Variants in TSPAN16 observed in about 807,000 individuals in gnomAD.
TSPAN16 encodes the protein tetraspanin 16.
A neutral mutation model predicts 25.2 loss-of-function variants in TSPAN16; 23 were observed. The observed-to-expected ratio is 0.91, with a 90% CI of 0.66 to 1.29. TSPAN16 has a LOEUF of 1.29. TSPAN16 is among the 50% of genes most tolerant of loss of function. The probability of loss-of-function intolerance (pLI) is 0.00; values close to 1 mark genes in which losing one functional copy is unlikely to be tolerated. For synonymous variants in TSPAN16, 123 were observed against 124.4 expected, an observed-to-expected ratio of 0.99 and a Z score of 0.08; for missense variants, 272 against 299.9, an observed-to-expected ratio of 0.91 and a Z score of 0.69.
intron 5 of TSPAN16, among the ~76,000 whole-genome samples, chr19:11,309,629 C>G (rs2080668918): frequency 6.6e-6 from 1 of 152,246 alleles, no homozygotes; most frequent in Admixed American, 6.5e-5. Flanking sequence ...TGATCATGCT[C>G]TGTCTTCATA....
chr19:11,306,963 G>T, intron 5 of TSPAN16: 1 of 508,666 alleles, frequency 2.0e-6, no homozygotes, highest in South Asian at 2.4e-5. Flanking sequence ...TCACAGGCAT[G>T]CACCGCCACA....
chr19:11,303,334 T>C (rs1462114949), intron 4 of TSPAN16, among the ~76,000 whole-genome samples: 1 of 145,612 alleles, frequency 6.9e-6, no homozygotes, highest in Non-Finnish European at 1.5e-5. Flanking sequence ...AAGATGTGCT[T>C]TGTTAAACAG....
chr19:11,325,844 C>A (rs1392538461), intron 6 of TSPAN16, among the ~76,000 whole-genome samples: 1 of 152,132 alleles, frequency 6.6e-6, no homozygotes, highest in Non-Finnish European at 1.5e-5. Context: ...GAAGCTACGG[C>A]GGGAGGATCG....
downstream of TSPAN16, among the ~76,000 whole-genome samples, chr19:11,320,001 G>C (rs1599351456): frequency 6.6e-6 from 1 of 151,986 alleles, no homozygotes; most frequent in East Asian, 1.9e-4. Flanking sequence ...TGTATTTTCA[G>C]TGGAGACGGG....
chr19:11,325,457 C>T (rs773314750), intron 6 of TSPAN16: 34 of 1,611,454 alleles, frequency 2.1e-5, no homozygotes, highest in East Asian at 6.7e-5. Context: ...GGGCCTTTCC[C>T]GTTGCTGCCT....
At chr19:11,302,622 A>AAT (rs1217671620) in intron 4 of TSPAN16, among the ~76,000 whole-genome samples, 3 of 142,936 alleles carry the variant, frequency 2.1e-5, no homozygotes, top group Non-Finnish European at 4.5e-5. Context: ...TATGTATATA[A>AAT]ATATATATAT....
Position 11,315,871 on chromosome 19 carries a change from C to T in TSPAN16, c.*33C>T. On this transcript the variant is annotated 3_prime_UTR_variant, in exon 7 of 7. Transcript: ENST00000590327. ...GCCTGGAGAAGATGAGACACCTGGG[C>T]CCATCTGGCTGCTGGAGATTCAGTC... 3.2e-6 allele frequency: 4 copies of T among 1,231,826 alleles called. No individual in the cohort carries two copies. Among genetic ancestry groups the T allele is most frequent in the Non-Finnish European group, 4.0e-6 (4 of 987,770 alleles). The allele number at this position is 1,231,826 out of a possible 1,614,324, so 76.3% of individuals were successfully genotyped here. A position where few individuals can be genotyped will look rare whatever the true frequency, so the allele number is the denominator to read the frequency against.
At chr19:11,310,274 C>T (rs1599342331) in intron 5 of TSPAN16, among the ~76,000 whole-genome samples, 1 of 151,904 alleles carries the variant, frequency 6.6e-6, no homozygotes, top group Admixed American at 6.6e-5. Flanking sequence ...GCCTGTAGTC[C>T]CAGCACTTTG....
Position 11,312,234 on chromosome 19 carries a change from C to T in TSPAN16, c.687+12C>T. ...CTGCAGTGATACAGGTAAGACCCAG[C>T]CTCTCTAGGGTCTTTGAGCTGTTTT... On this transcript the variant is annotated intron_variant, in intron 6 of 6. Transcript: ENST00000590327. 6.3e-7 allele frequency: 1 copy of T among 1,597,204 alleles called. No individual in the cohort carries two copies. Among genetic ancestry groups the T allele is most frequent in the Non-Finnish European group, 8.6e-7 (1 of 1,167,986 alleles).
At chr19:11,307,976 C>T (rs1329384542) in intron 5 of TSPAN16, 2 of 152,186 alleles carry the variant, frequency 1.3e-5, no homozygotes, top group African/African-American at 4.8e-5. Flanking sequence ...TACCTGCCTT[C>T]TAGAGACCCT....
chr19:11,319,404 C>T (rs2080764713), downstream of TSPAN16, among the ~76,000 whole-genome samples: 1 of 152,104 alleles, frequency 6.6e-6, no homozygotes, highest in Admixed American at 6.5e-5. Flanking sequence ...CTGAGACCAG[C>T]CTGGCCTATA....
Position 11,309,229 on chromosome 19 carries a change from A to G in TSPAN16, c.603+2473A>G, listed in dbSNP as rs77488111. 7.0e-4 allele frequency among the ~76,000 whole-genome samples: 106 copies of G among 152,198 alleles called. 2 individuals carry two copies. The East Asian group carries it at 0.011, about 15-fold the overall frequency. ...TCTCTAAAATAGACAAAAAAAAAAA[A>G]AAGAAGAAGAAATATGAATCGTTCA... On this transcript the variant is annotated intron_variant, in intron 5 of 6. Coordinates refer to ENST00000590327, the MANE Select transcript of TSPAN16 (RefSeq NM_001282509.2).
In TSPAN16 at chr19:11,306,713, C is replaced by T. The variant is rs1409024229; in HGVS notation, c.560C>T (p.Ser187Phe). The T allele has an allele frequency of 6.2e-7, 1 of 1,614,108 alleles. No individual in the cohort carries two copies. Among genetic ancestry groups the T allele is most frequent in the East Asian group, 2.2e-5 (1 of 44,894 alleles). ...TGCTGTAAATCCATCGGAAGTGTGTCCTGTGACGGACGCGATGTGTCTCCA... is the reference window on the plus strand; with the variant it reads ...TGCTGTAAATCCATCGGAAGTGTGTTCTGTGACGGACGCGATGTGTCTCCA... ...RSCCKSIGSV[S>F]CDGRDVSPNV... Residue 187 changes from serine (S) to phenylalanine (F), a missense_variant, in exon 5 of 7, where the codon TCC becomes TTC. Physicochemically the swap from Ser to Phe is radical, Grantham distance 155. Transcript: ENST00000590327.
Position 11,315,843 on chromosome 19 carries a change from C to CA in TSPAN16, c.*6dup. 1 of 1,231,946 alleles carries CA rather than the reference C, an allele frequency of 8.1e-7. No homozygotes were observed. The highest frequency in any genetic ancestry group is 3.2e-5 in the East Asian group (1 of 31,690). 76.3% of individuals were successfully genotyped at this position (1,231,946 alleles called of 1,614,324 possible). ...CTGTTTATCAAGCTGGGCTGACACC[C>CA]AGGCCTGGAGAAGATGAGACACCTG... On this transcript the variant is annotated 3_prime_UTR_variant, in exon 7 of 7. Transcript: ENST00000590327.
chr19:11,308,762 C>G (rs1323209013), intron 5 of TSPAN16, among the ~76,000 whole-genome samples: 1 of 152,050 alleles, frequency 6.6e-6, no homozygotes, highest in Non-Finnish European at 1.5e-5. Context: ...CGTGAGCCAC[C>G]GCGCCTGGCC....
chr19:11,316,115 GT>G (rs35645130), downstream of TSPAN16: 85 of 294,450 alleles, frequency 2.9e-4, no homozygotes, highest in Middle Eastern at 1.2e-3. Context: ...GTGTGTGTGT[GT>G]GGTTTTTTTT....
rs372840462 is a variant in TSPAN16 at position 11,306,790 on chromosome 19, C to G, written c.603+34C>G. The stretch of plus-strand genomic sequence containing the variant: ...AGATTTTGTGTGTTGCCTTGACAGA[C>G]CCCTGAGGGCTGGTGACTTCATTTT... On this transcript the variant is annotated intron_variant, in intron 5 of 6. Transcript: ENST00000590327. The G allele has an allele frequency of 2.3e-5, 37 of 1,578,970 alleles. No homozygotes were observed. In the African/African-American group the frequency reaches 4.2e-4, roughly 18 times the overall value.
chr19:11,306,616 G>C lies in TSPAN16; in HGVS notation c.463G>C (p.Gly155Arg). ...CTCCTCTCTATAGCTAAAGTGCTGT[G>C]GGGTGAATAACTACACAGATTTTTC... ...NLVMEKLKCC[G>R]VNNYTDFSGS... The change falls in exon 5 of 7, where the codon GGG (glycine) becomes CGG (arginine). Residue 155 changes from glycine to arginine, a missense_variant. By Grantham distance (125) the Gly-to-Arg change is moderately radical. Coordinates refer to ENST00000590327, the MANE Select transcript of TSPAN16 (RefSeq NM_001282509.2). 1 of 1,613,522 alleles carries C rather than the reference G, an allele frequency of 6.2e-7. No individual in the cohort carries two copies. The highest frequency in any genetic ancestry group is 8.5e-7 in the Non-Finnish European group (1 of 1,179,988).
rs772511683 is a variant in TSPAN16 at position 11,298,278 on chromosome 19, T to G, written c.206T>G (p.Val69Gly). ...NLCLVMGCITVLLGCAGWYGA... is the reference protein window; with the variant it reads ...NLCLVMGCITGLLGCAGWYGA... ...TGCCTGGTGATGGGATGCATCACGGTACTGCTTGGCTGTGCCGGGTGGTAT... is the reference window on the plus strand; with the variant it reads ...TGCCTGGTGATGGGATGCATCACGGGACTGCTTGGCTGTGCCGGGTGGTAT... Residue 69 changes from valine (V) to glycine (G), a missense_variant, in exon 2 of 7, where the codon GTA becomes GGA. Val to Gly is a moderately radical substitution (Grantham distance 109). Transcript: ENST00000590327. 3 of 1,614,022 alleles carry G rather than the reference T, an allele frequency of 1.9e-6. No homozygotes were observed. The highest frequency in any genetic ancestry group is 2.5e-6 in the Non-Finnish European group (3 of 1,180,024).
Sources: gnomAD v4.1 joint callset for allele counts (sites outside exome capture counted in the v4.1 genomes callset) on GRCh38, gnomAD v4.1.1 for gene constraint, MANE v1.5 for transcripts, NCBI Gene and HGNC (gene_info 2026-07-23, HGNC 2026-07-21) for gene names.